ZMYM3: variants seen among roughly 807,000 people sequenced by gnomAD.
ZMYM3 encodes zinc finger MYM-type containing 3.
Under a neutral mutation model 94.2 loss-of-function variants are expected in ZMYM3, and 6 were observed. The observed-to-expected ratio is 0.06, with a 90% CI of 0.03 to 0.13. The LOEUF is 0.13. ZMYM3 is among the 10% of genes least tolerant of loss of function. The probability of loss-of-function intolerance (pLI) is 1.00; values close to 1 mark genes in which losing one functional copy is unlikely to be tolerated. For synonymous variants in ZMYM3, 420 were observed against 426.5 expected (o/e 0.98, Z 0.19); for missense variants, 664 against 1,132.6 (o/e 0.59, Z 5.94).
In ZMYM3 at chrX:71,252,916, G is replaced by C. The variant is rs1417254039; in HGVS notation, c.340C>G (p.Pro114Ala). The change falls in exon 2 of 25, where the codon CCT (proline) becomes GCT (alanine). Residue 114 changes from proline to alanine, a missense_variant. This residue lies in a region of ZMYM3 where 196 missense variants were observed against 190.8 expected (regional missense o/e 1.03). Transcript: ENST00000314425. ...AWDAGDQTLE[P>A]GPGGQTPEVV... ...TCAGGGGTCTGGCCCCCTGGTCCAG[G>C]CTCTAGGGTCTGATCTCCTGCATCC... The C allele has an allele frequency of 3.3e-6, 4 of 1,210,045 alleles. No homozygotes were observed. The highest frequency in any genetic ancestry group is 4.5e-6 in the Non-Finnish European group (4 of 894,992).
In ZMYM3 at chrX:71,241,348, T is replaced by C. The variant is rs140663879; in HGVS notation, c.3803-4A>G. ...TTCCGTTTTCCAGGACCCGTGTCTA[T>C]AGGGGAGGGAAATGATTCAGACTCA... is the stretch of plus-strand genomic sequence containing the variant. On this transcript the variant is annotated splice_polypyrimidine_tract_variant and splice_region_variant and intron_variant, in intron 23 of 24. Coordinates refer to ENST00000314425, the MANE Select transcript of ZMYM3 (RefSeq NM_201599.3). The C allele has an allele frequency of 9.5e-4, 1,114 of 1,173,233 alleles. 6 individuals are homozygous for C. In the African/African-American group the frequency reaches 0.018, roughly 19 times the overall value.
chrX:71,255,089 T>G (rs944451664), upstream of ZMYM3: 3 of 13,870 alleles, frequency 2.2e-4, no homozygotes, highest in African/African-American at 1.1e-3. Context: ...GGCTGATCTC[T>G]CTCTCTCTCT....
In ZMYM3 at chrX:71,253,045, C is replaced by T. The variant is rs2030572341; in HGVS notation, c.211G>A (p.Gly71Arg). 8.3e-7 allele frequency: 1 copy of T among 1,200,591 alleles called. No homozygotes were observed. Among genetic ancestry groups the T allele is most frequent in the African/African-American group, 1.8e-5 (1 of 56,814 alleles). ...DTPAGLEKDP[G>R]VLDGATELLG... The stretch of plus-strand genomic sequence containing the variant: ...AACTCAGTGGCTCCATCCAGGACTC[C>T]AGGGTCTTTTTCCAGGCCAGCAGGG... The change falls in exon 2 of 25, where the codon GGA becomes AGA. Residue 71 changes from glycine (G) to arginine (R), a missense_variant. This residue lies in a region of ZMYM3 where 196 missense variants were observed against 190.8 expected (regional missense o/e 1.03). Transcript: ENST00000314425.
upstream of ZMYM3, chrX:71,254,726 C>T (rs1372659760): frequency 9.0e-6 from 1 of 111,451 alleles, no homozygotes; most frequent in Admixed American, 9.4e-5. Context: ...GTCCCGCCCC[C>T]TGGGCGACTG....
chrX:71,246,479 G>GGGCC lies in ZMYM3; in HGVS notation c.2445_2446insGGCC (p.Pro816GlyfsTer22). On this transcript the variant is annotated frameshift_variant, in exon 15 of 25. Coordinates refer to ENST00000314425, the MANE Select transcript of ZMYM3 (RefSeq NM_201599.3). LOFTEE classifies it high-confidence loss of function. ...GGGGGTGGTGGGGGTGGAGGGGTGG[G>GGGCC]AGCAGTGGGAGCTGATCGGGTCTTC... 1 of 333,485 alleles carries GGGCC rather than the reference G, an allele frequency of 3.0e-6. No individual in the cohort carries two copies. The highest frequency in any genetic ancestry group is 5.6e-6 in the Non-Finnish European group (1 of 178,519). 27.5% of individuals were successfully genotyped at this position (333,485 alleles called of 1,213,427 possible).
Position 71,242,881 on chromosome X carries a change from GT to G in ZMYM3, c.3547+88del. On this transcript the variant is annotated intron_variant, in intron 22 of 24. Coordinates refer to ENST00000314425, the MANE Select transcript of ZMYM3 (RefSeq NM_201599.3). ...CCTGCCCTCGGGCCCTTTGTGAAGA[GT>G]GGCAGACCAAACAGCACAGGACTCT... 4.4e-6 allele frequency: 4 copies of G among 901,730 alleles called. No individual in the cohort carries two copies. The South Asian group carries it at 8.9e-5, about 20-fold the overall frequency. 74.3% of individuals were successfully genotyped at this position (901,730 alleles called of 1,213,427 possible).
chrX:71,246,579 T>TG lies in ZMYM3; in HGVS notation c.2412+15dup, dbSNP rs2030189625. 8.3e-7 allele frequency: 1 copy of TG among 1,207,895 alleles called. No homozygotes were observed. Among genetic ancestry groups the TG allele is most frequent in the African/African-American group, 1.8e-5 (1 of 57,090 alleles). ...CCTCCTCTGAGATTATCCTCCCCCTTGGCTTTTGCCCCGACCTTGCCCAAA... is the reference window on the plus strand; with the variant it reads ...CCTCCTCTGAGATTATCCTCCCCCTTGGGCTTTTGCCCCGACCTTGCCCAAA... On this transcript the variant is annotated intron_variant, in intron 14 of 24. Coordinates refer to ENST00000314425, the MANE Select transcript of ZMYM3 (RefSeq NM_201599.3).
intron 15 of ZMYM3, 103 bp downstream of exon 15, chrX:71,246,250 G>A: frequency 8.9e-7 from 1 of 1,117,757 alleles, no homozygotes; most frequent in Non-Finnish European, 1.2e-6. Context: ...TATGAATGAG[G>A]CTTCAGCTAC....
At chrX:71,249,700 C>T in intron 6 of ZMYM3, 21 bp from the exon 7 acceptor site, 1 of 1,204,180 alleles carries the variant, frequency 8.3e-7, no homozygotes, top group Non-Finnish European at 1.1e-6. Context: ...CATACACGCA[C>T]CCTGAGCTAG....
rs1478975141 is a variant in ZMYM3 at position 71,252,793 on chromosome X, G to C, written c.463C>G (p.Pro155Ala). The change falls in exon 2 of 25, where the codon CCA becomes GCA. Residue 155 changes from proline to alanine, a missense_variant. Coordinates refer to ENST00000314425, the MANE Select transcript of ZMYM3 (RefSeq NM_201599.3). Reference sequence around the variant, plus strand: ...GTGGTCTCCTCCTCTTCAATATGTGGGGACTGCAGTGTTATTGGAGAATCT... The same window carrying C: ...GTGGTCTCCTCCTCTTCAATATGTGCGGACTGCAGTGTTATTGGAGAATCT... ...APDSPITLQS[P>A]HIEEEETTSI... The C allele has an allele frequency of 8.3e-7, 1 of 1,211,686 alleles. No individual in the cohort carries two copies. The highest frequency in any genetic ancestry group is 1.8e-5 in the South Asian group (1 of 56,944).
At chrX:71,244,080 C>G in intron 20 of ZMYM3, 100 bp from the exon 21 acceptor site, 1 of 1,061,957 alleles carries the variant, frequency 9.4e-7, no homozygotes, top group Non-Finnish European at 1.3e-6. Flanking sequence ...CTTAGTCATG[C>G]CTAGCTCCTG....
rs2030569745 is a variant in ZMYM3 at position 71,253,008 on chromosome X, C to G, written c.248G>C (p.Gly83Ala). 8.3e-7 allele frequency: 1 copy of G among 1,207,430 alleles called. No individual in the cohort carries two copies. Among genetic ancestry groups the G allele is most frequent in the Non-Finnish European group, 1.1e-6 (1 of 893,529 alleles). ...LDGATELLGLGGLLYKAPSPP... is the reference protein window; with the variant it reads ...LDGATELLGLAGLLYKAPSPP... ...AGAGGGGGCTTTATAGAGCAGCCCC[C>G]CCAGCCCCAGCAACTCAGTGGCTCC... Residue 83 changes from glycine (G) to alanine (A), a missense_variant, in exon 2 of 25, where the codon GGG (glycine) becomes GCG (alanine). This residue lies in a region of ZMYM3 where 196 missense variants were observed against 190.8 expected (regional missense o/e 1.03). Coordinates refer to ENST00000314425, the MANE Select transcript of ZMYM3 (RefSeq NM_201599.3).
chrX:71,252,868 C>A lies in ZMYM3; in HGVS notation c.388G>T (p.Ala130Ser). The change falls in exon 2 of 25, where the codon GCT (alanine) becomes TCT (serine). Residue 130 changes from alanine (A) to serine (S), a missense_variant. Ala to Ser is a moderately conservative substitution (Grantham distance 99). Transcript: ENST00000314425. ...TPEVVPPDPGAGANSCSPEGL... is the reference protein window; with the variant it reads ...TPEVVPPDPGSGANSCSPEGL... ...TCAGGTGAACAGGAATTTGCCCCAG[C>A]CCCTGGATCAGGTGGTACCACCTCA... 3.3e-6 allele frequency: 4 copies of A among 1,210,227 alleles called. No individual in the cohort carries two copies. The highest frequency in any genetic ancestry group is 2.2e-5 in the Admixed American group (1 of 45,844).
rs150092547 is a variant in ZMYM3 at position 71,242,187 on chromosome X, C to T, written c.3785G>A (p.Arg1262His). 13 of 1,186,882 alleles carry T rather than the reference C, an allele frequency of 1.1e-5. No homozygotes were observed. The highest frequency in any genetic ancestry group is 7.2e-5 in the Admixed American group (3 of 41,834). Residue 1262 changes from arginine (R) to histidine (H), a missense_variant, in exon 23 of 25, where the codon CGC becomes CAC. Coordinates refer to ENST00000314425, the MANE Select transcript of ZMYM3 (RefSeq NM_201599.3). ...VVSIRYYAPV[R>H]QRKGRDTGPG... ...CCTCGTACCTCGCCCTTTCCTCTGG[C>T]GGACTGGGGCATAGTAGCGGATGCT... is the stretch of plus-strand genomic sequence containing the variant.
chrX:71,247,668 C>T (rs1304918604), intron 12 of ZMYM3, 66 bp downstream of exon 12: 1 of 1,168,186 alleles, frequency 8.6e-7, no homozygotes, highest in Non-Finnish European at 1.1e-6. Flanking sequence ...ACCCCGAGCT[C>T]AGTACCACAG....
chrX:71,247,370 C>A lies in ZMYM3; in HGVS notation c.2289G>T (p.Gln763His). ...SQQNQPNLDT[Q>H]SGPESLLNSQ... ...TGTTCAGGAGGCTCTCGGGCCCACTCTGGGTATCCAGGTTGGGTTGGTTCT... is the reference window on the plus strand; with the variant it reads ...TGTTCAGGAGGCTCTCGGGCCCACTATGGGTATCCAGGTTGGGTTGGTTCT... The change falls in exon 13 of 25, where the codon CAG (glutamine) becomes CAT (histidine). Residue 763 changes from glutamine to histidine, a missense_variant. This residue lies in a region of ZMYM3 where 159 missense variants were observed against 313.0 expected (regional missense o/e 0.51). Coordinates refer to ENST00000314425, the MANE Select transcript of ZMYM3 (RefSeq NM_201599.3). 1 of 1,199,350 alleles carries A rather than the reference C, an allele frequency of 8.3e-7. No individual in the cohort carries two copies. The highest frequency in any genetic ancestry group is 1.1e-6 in the Non-Finnish European group (1 of 888,824).
intron 2 of ZMYM3, 92 bp from the exon 3 acceptor site, chrX:71,251,693 C>CT: frequency 9.2e-7 from 1 of 1,086,774 alleles, no homozygotes; most frequent in South Asian, 2.5e-5. Context: ...TGGGGAAGAA[C>CT]TTACTCAAAA....
Position 71,247,779 on chromosome X carries a change from G to A in ZMYM3, c.2103C>T (p.Phe701=). Residue 701 remains phenylalanine, a synonymous_variant, in exon 12 of 25, where the codon TTC becomes TTT. Coordinates refer to ENST00000314425, the MANE Select transcript of ZMYM3 (RefSeq NM_201599.3). ...TEQLDGSTWD[F]CSEDCKSKYL... is the part of the protein sequence containing the mutation. ...ACTTGCTCTTACAGTCCTCACTGCA[G>A]AAGTCCCAGGTGCTGCCATCCAGTT... is the stretch of plus-strand genomic sequence containing the variant. 2 of 1,211,929 alleles carry A rather than the reference G, an allele frequency of 1.7e-6. No individual in the cohort carries two copies. Among genetic ancestry groups the A allele is most frequent in the Non-Finnish European group, 2.2e-6 (2 of 895,490 alleles).
chrX:71,252,720 A>G lies in ZMYM3; in HGVS notation c.536T>C (p.Leu179Pro). 3 of 1,206,186 alleles carry G rather than the reference A, an allele frequency of 2.5e-6. No individual in the cohort carries two copies. Among genetic ancestry groups the G allele is most frequent in the Non-Finnish European group, 3.4e-6 (3 of 893,134 alleles). Residue 179 changes from leucine to proline, a missense_variant, in exon 2 of 25, where the codon CTT (leucine) becomes CCT (proline). Coordinates refer to ENST00000314425, the MANE Select transcript of ZMYM3 (RefSeq NM_201599.3). ...TGGGCTCTGTGGCTGCCCTTGGGGAAGCTCCTCCTCCTGCCCAGGGGAGCC... is the reference window on the plus strand; with the variant it reads ...TGGGCTCTGTGGCTGCCCTTGGGGAGGCTCCTCCTCCTGCCCAGGGGAGCC... ...RRGSPGQEEE[L>P]PQGQPQSPNA...
Sources: allele counts gnomAD v4.1 joint callset, GRCh38; gene constraint gnomAD v4.1.1; regional missense constraint gnomAD v4.1.1; transcripts MANE v1.5; gene names NCBI Gene and HGNC (gene_info 2026-07-23, HGNC 2026-07-21).